The following FBXL2 variants were observed in gnomAD, a reference collection of about 807,000 sequenced individuals.
FBXL2 encodes the protein F-box and leucine rich repeat protein 2.
FBXL2 carries 38 observed loss-of-function variants against 69.2 expected under a neutral mutation model. That is an observed-to-expected ratio of 0.55 (90% confidence interval 0.42 to 0.72). The LOEUF (loss-of-function observed/expected upper bound fraction) is 0.72. FBXL2 is among the 30% of genes least tolerant of loss of function. FBXL2 has a pLI of 0.00. For missense variants in FBXL2, 354 were observed against 520.3 expected (o/e 0.68, Z 3.11); for synonymous variants, 192 against 201.3 (o/e 0.95, Z 0.39).
At chr3:33,340,895 CAAAAAAAAAAAAAA>C (rs67092664) in intron 2 of FBXL2, among the ~76,000 whole-genome samples, 3 of 86,570 alleles carry the variant, frequency 3.5e-5, no homozygotes, top group Admixed American at 1.4e-4. Context: ...TTCCTTTGCC[CAAAAAAAAAAAAAA>C]AAAAAAAAAA....
chr3:33,402,830 T>C (rs2044280348), intron 12 of FBXL2: 9 of 1,604,216 alleles, frequency 5.6e-6, no homozygotes, highest in African/African-American at 1.3e-5. Context: ...TGCTCTGCTG[T>C]GGGGAGGTGA....
chr3:33,277,502 G>A lies in FBXL2; in HGVS notation c.-11G>A, dbSNP rs770859791. On this transcript the variant is annotated 5_prime_UTR_variant, in exon 1 of 15. Coordinates refer to ENST00000484457, the MANE Select transcript of FBXL2 (RefSeq NM_012157.5). ...ACTTCGGGCTGTGGGCTCGCTCGCG[G>A]CTCTTCGGCCATGGTGAGTCTGGGA... 1 of 1,299,576 alleles carries A rather than the reference G, an allele frequency of 7.7e-7. No individual in the cohort carries two copies. The highest frequency in any genetic ancestry group is 9.9e-7 in the Non-Finnish European group (1 of 1,015,218). 80.5% of individuals were successfully genotyped at this position (1,299,576 alleles called of 1,614,324 possible). A position where few individuals can be genotyped will look rare whatever the true frequency, so the allele number is the denominator to read the frequency against.
At chr3:33,342,004 CTTT>C (rs538123970) in intron 2 of FBXL2, among the ~76,000 whole-genome samples, 6 of 109,808 alleles carry the variant, frequency 5.5e-5, no homozygotes, top group Admixed American at 3.2e-4. Context: ...TTTTCTTTAT[CTTT>C]TTTTTTTTTT....
chr3:33,420,195 G>A, the FBXL2 span, among the ~76,000 whole-genome samples: 1 of 152,274 alleles, frequency 6.6e-6, no homozygotes, highest in African/African-American at 2.4e-5. Context: ...AACATGAACT[G>A]AAACTAACCA....
chr3:33,357,449 T>C (rs900947536), intron 2 of FBXL2, among the ~76,000 whole-genome samples: 12 of 151,998 alleles, frequency 7.9e-5, no homozygotes, highest in African/African-American at 2.9e-4. Context: ...TGTGTAGATA[T>C]CCTAAAATAT....
the FBXL2 span, among the ~76,000 whole-genome samples, chr3:33,412,058 G>A: frequency 1.3e-5 from 2 of 151,864 alleles, no homozygotes; most frequent in Admixed American, 6.6e-5. Flanking sequence ...GCAGTGGCGC[G>A]TGCCTGTAGT....
At chr3:33,309,629 G>A (rs2037012945) in intron 2 of FBXL2, among the ~76,000 whole-genome samples, 1 of 151,924 alleles carries the variant, frequency 6.6e-6, no homozygotes, top group African/African-American at 2.4e-5. Flanking sequence ...GCTAGGTAAG[G>A]GCTTATTACT....
intron 4 of FBXL2, among the ~76,000 whole-genome samples, chr3:33,361,077 G>C (rs1182977936): frequency 6.7e-6 from 1 of 148,674 alleles, no homozygotes; most frequent in South Asian, 2.1e-4. Context: ...GACTACAGGC[G>C]CCTGCCACCA....
chr3:33,420,754 T>C, the FBXL2 span, among the ~76,000 whole-genome samples: 1 of 152,150 alleles, frequency 6.6e-6, no homozygotes, highest in Non-Finnish European at 1.5e-5. Context: ...CCCAAAGTGC[T>C]GGGTTTACAG....
In FBXL2 at chr3:33,297,702, G is replaced by A; in HGVS notation, c.42G>A (p.Lys14=). The stretch of plus-strand genomic sequence containing the variant: ...ATGATGAAGGCCTTATTAACAAAAA[G>A]TTACCCAAAGAACTTCTGTTAAGGT... ...SNNDEGLINK[K]LPKELLLRIF... is the part of the protein sequence containing the mutation. The change falls in exon 2 of 15, where the codon AAG becomes AAA. Residue 14 remains lysine (K), a synonymous_variant. Transcript: ENST00000484457. 1 of 1,573,346 alleles carries A rather than the reference G, an allele frequency of 6.4e-7. No individual in the cohort carries two copies. The highest frequency in any genetic ancestry group is 8.7e-7 in the Non-Finnish European group (1 of 1,154,312).
chr3:33,406,640 T>G (rs761428353), downstream of FBXL2, among the ~76,000 whole-genome samples: 1 of 152,204 alleles, frequency 6.6e-6, no homozygotes, highest in Non-Finnish European at 1.5e-5. Context: ...CATTTTGCTT[T>G]TAGATATTTA....
At chr3:33,400,100 T>C (rs2044164521) in intron 12 of FBXL2, 1 of 834,736 alleles carries the variant, frequency 1.2e-6, no homozygotes, top group African/African-American at 1.8e-5. Context: ...CCATAGTTAT[T>C]TCAAAATTTT....
At chr3:33,422,667 A>G in the FBXL2 span, among the ~76,000 whole-genome samples, 3 of 149,564 alleles carry the variant, frequency 2.0e-5, no homozygotes, top group Non-Finnish European at 3.0e-5. Context: ...CAAGGCTGCA[A>G]TAAGTCATGA....
chr3:33,398,493 C>G (rs1306135188), intron 12 of FBXL2: 1 of 152,246 alleles, frequency 6.6e-6, no homozygotes, highest in Non-Finnish European at 1.5e-5. Flanking sequence ...GAGAACTGGA[C>G]AGATAACTGC....
At chr3:33,299,054 T>TATTTATTTATTTATTC (rs1559505071) in intron 2 of FBXL2, among the ~76,000 whole-genome samples, 2 of 151,906 alleles carry the variant, frequency 1.3e-5, no homozygotes, top group Non-Finnish European at 2.9e-5. Flanking sequence ...TTTATTTATT[T>TATTTATTTATTTATTC]TGGTGAGATG....
At chr3:33,401,169 C>T (rs80066236) in intron 12 of FBXL2, among the ~76,000 whole-genome samples, 10,563 of 152,216 alleles carry the variant, frequency 0.069, 478 homozygotes, top group East Asian at 0.098. Context: ...AATGCAAGCG[C>T]AACAGCTTAG....
intron 2 of FBXL2, among the ~76,000 whole-genome samples, chr3:33,322,772 A>AC (rs1269986749): frequency 6.6e-6 from 1 of 152,204 alleles, no homozygotes; most frequent in South Asian, 2.1e-4. Context: ...TTGAGGGGTG[A>AC]TCATACTGTT....
chr3:33,288,349 G>A (rs1275726842), intron 1 of FBXL2, among the ~76,000 whole-genome samples: 3 of 152,208 alleles, frequency 2.0e-5, no homozygotes, highest in Admixed American at 6.5e-5. Flanking sequence ...TGCGCAAACC[G>A]AGTATGGCTC....
At chr3:33,312,813 A>G (rs1361772807) in intron 2 of FBXL2, among the ~76,000 whole-genome samples, 1 of 152,154 alleles carries the variant, frequency 6.6e-6, no homozygotes, top group African/African-American at 2.4e-5. Context: ...AAGAGAGGAG[A>G]TATCACTGCA....
Sources: gnomAD v4.1 joint callset for allele counts (sites outside exome capture counted in the v4.1 genomes callset) on GRCh38, gnomAD v4.1.1 for gene constraint, MANE v1.5 for transcripts, NCBI Gene and HGNC (gene_info 2026-07-23, HGNC 2026-07-21) for gene names.